The following ANXA10 variants were observed in gnomAD, a reference collection of about 807,000 sequenced individuals.
The protein encoded by ANXA10 is annexin A10, also known as annexin 14.
In ANXA10, 49 loss-of-function variants were observed where a neutral mutation model predicts 53.5. The observed-to-expected ratio is 0.92, with a 90% CI of 0.73 to 1.16. ANXA10 has a LOEUF of 1.16. Among genes scored for constraint, ANXA10 ranks in the 50% most tolerant of loss-of-function variants. ANXA10 has a pLI of 0.00. For missense variants in ANXA10, 393 were observed against 394.4 expected, an observed-to-expected ratio of 1.00 and a Z score of 0.03; for synonymous variants, 131 against 128.9, an observed-to-expected ratio of 1.02 and a Z score of -0.11.
At chr4:168,118,738 A>T (rs1042547637) in intron 1 of ANXA10, among the ~76,000 whole-genome samples, 1 of 152,194 alleles carries the variant, frequency 6.6e-6, no homozygotes, top group Admixed American at 6.5e-5. Flanking sequence ...ATATGTGTGT[A>T]TATATATTTT....
At chr4:168,115,929 A>C (rs1730885694) in intron 1 of ANXA10, among the ~76,000 whole-genome samples, 2 of 152,214 alleles carry the variant, frequency 1.3e-5, no homozygotes, top group African/African-American at 4.8e-5. Flanking sequence ...CCACTGGGTA[A>C]ATAAAAGATG....
At chr4:168,112,093 A>G (rs1730817980) in intron 1 of ANXA10, among the ~76,000 whole-genome samples, 1 of 152,180 alleles carries the variant, frequency 6.6e-6, no homozygotes, top group Admixed American at 6.5e-5. Context: ...CAGCAGTTCA[A>G]CACCAGCCTG....
chr4:168,147,718 G>A lies in ANXA10; in HGVS notation c.195+8138G>A, dbSNP rs144888752. ...CTTTGAATTCGGGTTTACTTTCACC[G>A]ATGAGTCCAGGTAGAATGGTGACAT... On this transcript the variant is annotated intron_variant, in intron 3 of 11. Transcript: ENST00000359299. Among the ~76,000 whole-genome samples, 37 of 152,272 alleles carry A rather than the reference G, an allele frequency of 2.4e-4. No homozygotes were observed. In the East Asian group the frequency reaches 3.9e-3, roughly 16 times the overall value.
At chr4:168,131,842 A>G (rs1240749062) in intron 2 of ANXA10, among the ~76,000 whole-genome samples, 1 of 152,086 alleles carries the variant, frequency 6.6e-6, no homozygotes, top group Non-Finnish European at 1.5e-5. Context: ...TGCATGGTAT[A>G]TAATTCTTCA....
chr4:168,156,715 G>C (rs1265934177), intron 3 of ANXA10, among the ~76,000 whole-genome samples: 1 of 151,652 alleles, frequency 6.6e-6, no homozygotes. Context: ...GTGTTAGCCA[G>C]TATGGTCTCG....
chr4:168,111,210 T>C (rs1730801490), intron 1 of ANXA10, among the ~76,000 whole-genome samples: 1 of 152,220 alleles, frequency 6.6e-6, no homozygotes, highest in African/African-American at 2.4e-5. Context: ...ACACATTAAA[T>C]GTCAGCATAA....
chr4:168,148,195 C>T (rs1270160404), intron 3 of ANXA10, among the ~76,000 whole-genome samples: 8 of 146,964 alleles, frequency 5.4e-5, no homozygotes, highest in South Asian at 4.3e-4. Context: ...TTTTTTGAGA[C>T]GGAATCTTGC....
At position 168,171,522 on chromosome 4, in the gene ANXA10, T is replaced by C. The variant is rs149373735; in HGVS notation, c.480+6196T>C. 2.5e-3 allele frequency among the ~76,000 whole-genome samples: 377 copies of C among 152,166 alleles called. 1 individual carries two copies. Among genetic ancestry groups the C allele is most frequent in the African/African-American group, 8.1e-3 (337 of 41,554 alleles). On this transcript the variant is annotated intron_variant, in intron 6 of 11. Transcript: ENST00000359299. ...ATCACTAAAATTCAGACACACCCAT[T>C]TTTTTTGAATTAATAGAGACTGGGG...
Position 168,187,535 on chromosome 4 carries a change from T to G in ANXA10, c.*101T>G. 2 of 621,502 alleles carry G rather than the reference T, an allele frequency of 3.2e-6. No homozygotes were observed. The highest frequency in any genetic ancestry group is 8.5e-5 in the South Asian group (2 of 23,634). The allele number at this position is 621,502 out of a possible 1,614,324, so 38.5% of individuals were successfully genotyped here. ...CTGTTCATGGCACTATTAACAAAAC[T>G]ATACAATCATATTTTCTCTTCTATC... On this transcript the variant is annotated 3_prime_UTR_variant, in exon 12 of 12. Coordinates refer to ENST00000359299, the MANE Select transcript of ANXA10 (RefSeq NM_007193.5).
At chr4:168,132,384 C>T (rs1321507810) in intron 2 of ANXA10, among the ~76,000 whole-genome samples, 2 of 151,930 alleles carry the variant, frequency 1.3e-5, no homozygotes, top group African/African-American at 2.4e-5. Flanking sequence ...GAAAGACAAA[C>T]ATTGCATGTT....
chr4:168,154,967 C>T (rs1440288066), intron 3 of ANXA10, among the ~76,000 whole-genome samples: 2 of 152,076 alleles, frequency 1.3e-5, no homozygotes, highest in Non-Finnish European at 2.9e-5. Context: ...ATTATTAGGG[C>T]CTCATGGTAT....
chr4:168,169,074 A>C (rs1283370977), intron 6 of ANXA10, among the ~76,000 whole-genome samples: 1 of 152,202 alleles, frequency 6.6e-6, no homozygotes, highest in Non-Finnish European at 1.5e-5. Flanking sequence ...GTACAAACTG[A>C]AGCGTCTGGT....
chr4:168,109,034 T>G (rs1192376267), intron 1 of ANXA10, among the ~76,000 whole-genome samples: 1 of 152,246 alleles, frequency 6.6e-6, no homozygotes, highest in Non-Finnish European at 1.5e-5. Flanking sequence ...CTTTGGAATG[T>G]GAATGCTCTT....
intron 2 of ANXA10, among the ~76,000 whole-genome samples, chr4:168,133,047 G>A (rs139735208): frequency 1.9e-3 from 293 of 152,120 alleles, no homozygotes; most frequent in African/African-American, 5.6e-3. Context: ...GACCTCTGCC[G>A]TCTTCTTTTA....
intron 1 of ANXA10, among the ~76,000 whole-genome samples, chr4:168,111,248 G>A (rs1036228576): frequency 8.5e-5 from 13 of 152,144 alleles, no homozygotes; most frequent in African/African-American, 3.1e-4. Context: ...AGATTCAGGA[G>A]TGCATGCATT....
chr4:168,155,122 AT>A (rs1731582352), intron 3 of ANXA10, among the ~76,000 whole-genome samples: 1 of 127,486 alleles, frequency 7.8e-6, no homozygotes, highest in African/African-American at 3.6e-5. Context: ...CTGAAACATT[AT>A]TTATTGTTGG....
At chr4:168,156,354 ATATAT>A (rs1731680118) in intron 3 of ANXA10, among the ~76,000 whole-genome samples, 7 of 24,222 alleles carry the variant, frequency 2.9e-4, no homozygotes, top group South Asian at 1.1e-3. Flanking sequence ...ATGTTATATA[ATATAT>A]TATATAGTAT....
intron 1 of ANXA10, among the ~76,000 whole-genome samples, chr4:168,123,163 C>T (rs1731017032): frequency 6.6e-6 from 1 of 152,106 alleles, no homozygotes; most frequent in African/African-American, 2.4e-5. Flanking sequence ...AGTCCAAAGC[C>T]TTCCCAGATT....
chr4:168,110,228 T>C (rs774097887), intron 1 of ANXA10, among the ~76,000 whole-genome samples: 6 of 151,868 alleles, frequency 4.0e-5, no homozygotes, highest in Admixed American at 2.0e-4. Context: ...ATAATAATAA[T>C]TTTAAAAAAT....
Sources: allele counts gnomAD v4.1 joint callset (sites outside exome capture counted in the v4.1 genomes callset), GRCh38; gene constraint gnomAD v4.1.1; transcripts MANE v1.5; gene names NCBI Gene and HGNC (gene_info 2026-07-23, HGNC 2026-07-21).